The following HMGCS2 variants were observed in gnomAD, a reference collection of about 807,000 sequenced individuals.
HMGCS2 encodes 3-hydroxy-3-methylglutaryl-CoA synthase 2.
HMGCS2 carries 50 observed loss-of-function variants against 57.4 expected under a neutral mutation model. The ratio of observed to expected loss-of-function variants is 0.87; its 90% CI spans 0.69 to 1.10. The LOEUF is 1.10. HMGCS2 is among the 50% of genes least tolerant of loss of function. The pLI is 0.00. For missense variants in HMGCS2, 627 were observed against 636.5 expected (o/e 0.99, Z 0.16); for synonymous variants, 254 against 245.1 (o/e 1.04, Z -0.34).
chr1:119,764,377 C>T lies in HMGCS2; in HGVS notation c.354G>A (p.Gln118=). 1 of 1,614,258 alleles carries T rather than the reference C, an allele frequency of 6.2e-7. No individual in the cohort carries two copies. Among genetic ancestry groups the T allele is most frequent in the Non-Finnish European group, 8.5e-7 (1 of 1,180,052 alleles). The change falls in exon 2 of 10, where the codon CAG becomes CAA. Residue 118 remains glutamine (Q), a synonymous_variant. Transcript: ENST00000369406. ...TVVQRLMERI[Q]LPWDSVGRLE... ...GCCTGCCCACAGAGTCCCATGGGAG[C>T]TGTATGCGCTCCATCAGCCGTTGCA...
rs587653419 is a variant in HMGCS2 at position 119,768,575 on chromosome 1, T to A, written c.104+166A>T. Among the ~76,000 whole-genome samples, 16 of 152,296 alleles carry A rather than the reference T, an allele frequency of 1.1e-4. 1 individual carries two copies. The South Asian group carries it at 2.1e-3, about 20-fold the overall frequency. The stretch of plus-strand genomic sequence containing the variant: ...CACTCTACAGCTGAAAGGGATTGTC[T>A]GTTTAGAGATGAGGTAACTGAGACC... On this transcript the variant is annotated intron_variant, in intron 1 of 9. Coordinates refer to ENST00000369406, the MANE Select transcript of HMGCS2 (RefSeq NM_005518.4).
chr1:119,748,009 A>AT lies in HMGCS2; in HGVS notation c.*837dup, dbSNP rs1652517637. Reference sequence around the variant, plus strand: ...TCCTGCCAGGCATCAAAATTTATTTATTTTTTTATTTTTGGCTATAGAAGG... The same window carrying AT: ...TCCTGCCAGGCATCAAAATTTATTTATTTTTTTTATTTTTGGCTATAGAAGG... On this transcript the variant is annotated 3_prime_UTR_variant, in exon 10 of 10. Coordinates refer to ENST00000369406, the MANE Select transcript of HMGCS2 (RefSeq NM_005518.4). 1 of 152,172 alleles carries AT rather than the reference A, an allele frequency of 6.6e-6. No individual in the cohort carries two copies. The highest frequency in any genetic ancestry group is 1.5e-5 in the Non-Finnish European group (1 of 68,028). The allele number at this position is 152,172 out of a possible 1,614,324, so 9.4% of individuals were successfully genotyped here. A position where few individuals can be genotyped will look rare whatever the true frequency, so the allele number is the denominator to read the frequency against.
intron 8 of HMGCS2, among the ~76,000 whole-genome samples, chr1:119,752,033 G>T (rs184761229): frequency 6.6e-6 from 1 of 152,270 alleles, no homozygotes; most frequent in East Asian, 1.9e-4. Context: ...GGTGGAGAAA[G>T]AGGGCAATTT....
intron 8 of HMGCS2, among the ~76,000 whole-genome samples, chr1:119,752,171 A>G (rs144011960): frequency 0.012 from 1,784 of 152,342 alleles, 18 homozygotes; most frequent in Middle Eastern, 0.037. Flanking sequence ...CCATTTTTCC[A>G]AAGATAAACA....
chr1:119,755,639 C>A, intron 5 of HMGCS2, 42 bp from the exon 6 acceptor site: 1 of 1,600,142 alleles, frequency 6.2e-7, no homozygotes, highest in Non-Finnish European at 8.6e-7. Flanking sequence ...GGCCAGGGGA[C>A]GGGAGGCAGG....
Position 119,757,382 on chromosome 1 carries a change from G to T in HMGCS2, c.907C>A (p.Pro303Thr), listed in dbSNP as rs1359922140. 6.2e-7 allele frequency: 1 copy of T among 1,614,184 alleles called. No individual in the cohort carries two copies. The highest frequency in any genetic ancestry group is 8.5e-7 in the Non-Finnish European group (1 of 1,180,016). The change falls in exon 5 of 10, where the codon CCC (proline) becomes ACC (threonine). Residue 303 changes from proline to threonine, a missense_variant. By Grantham distance (38) the Pro-to-Thr change is conservative. Coordinates refer to ENST00000369406, the MANE Select transcript of HMGCS2 (RefSeq NM_005518.4). ...DDLQYMIFHT[P>T]FCKMVQKSLA... Reference sequence around the variant, plus strand: ...GACTTCTGGACCATCTTGCAAAAGGGTGTATGAAAGATCATGTACTGTAAA... The same window carrying T: ...GACTTCTGGACCATCTTGCAAAAGGTTGTATGAAAGATCATGTACTGTAAA...
chr1:119,761,223 A>G (rs1245997854), intron 2 of HMGCS2, among the ~76,000 whole-genome samples: 1 of 148,214 alleles, frequency 6.7e-6, no homozygotes, highest in Non-Finnish European at 1.5e-5. Context: ...TAATTTTTAT[A>G]TACATAAAAT....
intron 5 of HMGCS2, among the ~76,000 whole-genome samples, chr1:119,756,096 G>C (rs769923106): frequency 3.9e-5 from 6 of 152,124 alleles, no homozygotes; most frequent in East Asian, 1.9e-4. Context: ...CATCTTTAAG[G>C]CTTTGGCTTC....
At position 119,759,200 on chromosome 1, in the gene HMGCS2, C is replaced by A; in HGVS notation, c.768G>T (p.Lys256Asn). The change falls in exon 4 of 10, where the codon AAG (lysine) becomes AAT (asparagine). Residue 256 changes from lysine (K) to asparagine (N), a missense_variant. By Grantham distance (94) the Lys-to-Asn change is moderately conservative. Transcript: ENST00000369406. ...LASEYPIVDG[K>N]LSIQCYLRAL... ...CCCGCAAGTAGCACTGGATGGAAAGCTTCCCATCCACTATTGGGTACTCCG... is the reference window on the plus strand; with the variant it reads ...CCCGCAAGTAGCACTGGATGGAAAGATTCCCATCCACTATTGGGTACTCCG... 6.2e-7 allele frequency: 1 copy of A among 1,614,168 alleles called. No individual in the cohort carries two copies. Among genetic ancestry groups the A allele is most frequent in the Non-Finnish European group, 8.5e-7 (1 of 1,180,012 alleles).
chr1:119,752,719 A>G (rs1652704736), intron 7 of HMGCS2, 45 bp from the exon 8 acceptor site: 1 of 1,611,128 alleles, frequency 6.2e-7, no homozygotes, highest in East Asian at 2.2e-5. Context: ...CATTGTCATT[A>G]TCACTATTGC....
chr1:119,766,481 G>T (rs919817437), intron 1 of HMGCS2, among the ~76,000 whole-genome samples: 1 of 152,232 alleles, frequency 6.6e-6, no homozygotes, highest in African/African-American at 2.4e-5. Context: ...AAGGACAGCT[G>T]TGAGGCAAAA....
At position 119,759,541 on chromosome 1, in the gene HMGCS2, A is replaced by G. The variant is rs1652963977; in HGVS notation, c.686-259T>C. 6 of 581,320 alleles carry G rather than the reference A, an allele frequency of 1.0e-5. No individual in the cohort carries two copies. The East Asian group carries it at 1.8e-4, about 17-fold the overall frequency. The allele number at this position is 581,320 out of a possible 1,614,324, so 36.0% of individuals were successfully genotyped here. On this transcript the variant is annotated intron_variant, in intron 3 of 9. Coordinates refer to ENST00000369406, the MANE Select transcript of HMGCS2 (RefSeq NM_005518.4). ...ATAGAAGCCAACAGTCTCAAAGGAA[A>G]GACTTTCACTTTATATCCAGTTATA...
In HMGCS2 at chr1:119,748,182, G is replaced by GGGAAGCTGTGTTCTACCGTTCTTTGGT. The variant is rs1652522864; in HGVS notation, c.*664_*665insACCAAAGAACGGTAGAACACAGCTTCC. 6.6e-6 allele frequency: 1 copy of GGGAAGCTGTGTTCTACCGTTCTTTGGT among 152,214 alleles called. No homozygotes were observed. The highest frequency in any genetic ancestry group is 1.9e-4 in the East Asian group (1 of 5,182). The allele number at this position is 152,214 out of a possible 1,614,324, so 9.4% of individuals were successfully genotyped here. A position where few individuals can be genotyped will look rare whatever the true frequency, so the allele number is the denominator to read the frequency against. On this transcript the variant is annotated 3_prime_UTR_variant, in exon 10 of 10. Transcript: ENST00000369406. ...TCTTTAGAACAGGGAAGTGGGCTGG[G>GGGAAGCTGTGTTCTACCGTTCTTTGGT]GGAAGCTGTGTTCTACCGTTCTTAT... is the stretch of plus-strand genomic sequence containing the variant.
At chr1:119,762,067 C>T (rs954759509) in intron 2 of HMGCS2, among the ~76,000 whole-genome samples, 1 of 152,140 alleles carries the variant, frequency 6.6e-6, no homozygotes, top group African/African-American at 2.4e-5. Context: ...GTATACAAAG[C>T]TATTGTACAA....
At position 119,765,548 on chromosome 1, in the gene HMGCS2, C is replaced by A. The variant is rs1301837602; in HGVS notation, c.105-922G>T. 2.0e-5 allele frequency among the ~76,000 whole-genome samples: 3 copies of A among 152,110 alleles called. No homozygotes were observed. In the East Asian group the frequency reaches 5.8e-4, roughly 29 times the overall value. ...TGGTGACCTTAAAGATTATAACATG[C>A]ATAATTGGCTTGTTGTAATCTTACT... On this transcript the variant is annotated intron_variant, in intron 1 of 9. Coordinates refer to ENST00000369406, the MANE Select transcript of HMGCS2 (RefSeq NM_005518.4).
At chr1:119,762,539 G>T (rs1571040476) in intron 2 of HMGCS2, among the ~76,000 whole-genome samples, 1 of 151,722 alleles carries the variant, frequency 6.6e-6, no homozygotes. Flanking sequence ...CTTTTCTCTG[G>T]AGTGATTCAG....
At chr1:119,755,897 GTA>G (rs201606276) in intron 5 of HMGCS2, among the ~76,000 whole-genome samples, 2 of 20,028 alleles carry the variant, frequency 1.0e-4, no homozygotes, top group Non-Finnish European at 1.3e-4. Flanking sequence ...GTGTGTGTGT[GTA>G]TATATATATA....
At position 119,764,246 on chromosome 1, in the gene HMGCS2, G is replaced by A. The variant is rs780406594; in HGVS notation, c.485C>T (p.Thr162Ile). Residue 162 changes from threonine (T) to isoleucine (I), a missense_variant, in exon 2 of 10, where the codon ACC becomes ATC. Thr to Ile is a moderately conservative substitution (Grantham distance 89). Transcript: ENST00000369406. Reference sequence around the variant, plus strand: ...AGTACCACCGTAGCAGGCATTGGTGGTATCTATGCCCTCAATATCAGTATT... The same window carrying A: ...AGTACCACCGTAGCAGGCATTGGTGATATCTATGCCCTCAATATCAGTATT... Reference protein sequence around the residue: ...SGNTDIEGIDTTNACYGGTAS... With the variant: ...SGNTDIEGIDITNACYGGTAS... 2 of 1,614,108 alleles carry A rather than the reference G, an allele frequency of 1.2e-6. No individual in the cohort carries two copies. The highest frequency in any genetic ancestry group is 1.7e-6 in the Non-Finnish European group (2 of 1,179,972).
intron 2 of HMGCS2, 60 bp from the exon 3 acceptor site, chr1:119,760,049 C>T (rs1652990349): frequency 6.6e-7 from 1 of 1,507,888 alleles, no homozygotes. Flanking sequence ...GACTGAGTGC[C>T]TACTGTGTAC....
Sources: gnomAD v4.1 joint callset for allele counts (sites outside exome capture counted in the v4.1 genomes callset) on GRCh38, gnomAD v4.1.1 for gene constraint, MANE v1.5 for transcripts, NCBI Gene and HGNC (gene_info 2026-07-23, HGNC 2026-07-21) for gene names.